MELK: variants seen among roughly 807,000 people sequenced by gnomAD.
The protein encoded by MELK is maternal embryonic leucine zipper kinase.
Under a neutral mutation model 85.0 loss-of-function variants are expected in MELK, and 81 were observed. That is an observed-to-expected ratio of 0.95 (90% confidence interval 0.80 to 1.15). The LOEUF (loss-of-function observed/expected upper bound fraction) is 1.15, where lower values mean the gene tolerates loss of function less well. Ranked by LOEUF, MELK falls within the 50% of genes most tolerant of loss-of-function variation. The probability of loss-of-function intolerance (pLI) is 0.00; values close to 1 mark genes in which losing one functional copy is unlikely to be tolerated. For synonymous variants in MELK, 252 were observed against 265.0 expected, an observed-to-expected ratio of 0.95 and a Z score of 0.48; for missense variants, 754 against 777.5, an observed-to-expected ratio of 0.97 and a Z score of 0.36.
intron 3 of MELK, among the ~76,000 whole-genome samples, chr9:36,588,948 G>A (rs949574966): frequency 3.3e-4 from 50 of 152,226 alleles, no homozygotes; most frequent in African/African-American, 1.2e-3. Context: ...ACTGAGTAGT[G>A]TTTCTGTCAT....
chr9:36,583,252 C>T (rs932145921), intron 2 of MELK, among the ~76,000 whole-genome samples: 1 of 152,064 alleles, frequency 6.6e-6, no homozygotes, highest in African/African-American at 2.4e-5. Flanking sequence ...GGATTACAGG[C>T]GTGAGCCACC....
intron 8 of MELK, among the ~76,000 whole-genome samples, chr9:36,609,586 C>A (rs1022906384): frequency 6.6e-6 from 1 of 151,618 alleles, no homozygotes; most frequent in African/African-American, 2.4e-5. Context: ...TAGCTGGGAC[C>A]ACAGGCACTG....
chr9:36,648,759 C>G (rs902689581), intron 11 of MELK, among the ~76,000 whole-genome samples: 3 of 152,094 alleles, frequency 2.0e-5, no homozygotes, highest in African/African-American at 7.2e-5. Context: ...AGTTCCTGTC[C>G]GTTCATCTTA....
chr9:36,640,227 G>T (rs1273261686), intron 10 of MELK, among the ~76,000 whole-genome samples: 1 of 152,110 alleles, frequency 6.6e-6, no homozygotes, highest in Non-Finnish European at 1.5e-5. Flanking sequence ...ATTTCTTGCA[G>T]TTCTGGAGGT....
intron 8 of MELK, among the ~76,000 whole-genome samples, chr9:36,615,203 C>A (rs1196783027): frequency 2.1e-5 from 3 of 142,022 alleles, no homozygotes; most frequent in Admixed American, 6.8e-5. Flanking sequence ...GGGGGCTGAC[C>A]CCCCCACCTC....
intron 6 of MELK, among the ~76,000 whole-genome samples, chr9:36,598,150 G>A (rs1197831423): frequency 6.6e-6 from 1 of 150,612 alleles, no homozygotes; most frequent in Non-Finnish European, 1.5e-5. Flanking sequence ...ACTATAAGTG[G>A]AACCTTTTTT....
intron 12 of MELK, among the ~76,000 whole-genome samples, chr9:36,652,608 T>C (rs1381129112): frequency 1.3e-5 from 2 of 151,468 alleles, no homozygotes; most frequent in Non-Finnish European, 2.9e-5. Flanking sequence ...TGAGTGCCTG[T>C]AGTCCCAGCT....
In MELK at chr9:36,591,042, C is replaced by T. The variant is rs187648363; in HGVS notation, c.261+1390C>T. On this transcript the variant is annotated intron_variant, in intron 4 of 17. Transcript: ENST00000298048. ...AGGAGTTTGAAGCTGCAGTGAGCCA[C>T]GTTAATGGCACTGTACTCCAGCCTG... Among the ~76,000 whole-genome samples the T allele has an allele frequency of 2.9e-3, 435 of 152,178 alleles. 1 individual carries two copies. The highest frequency in any genetic ancestry group is 8.5e-3 in the African/African-American group (353 of 41,532).
chr9:36,610,504 C>A (rs1483905636), intron 8 of MELK, among the ~76,000 whole-genome samples: 1 of 152,232 alleles, frequency 6.6e-6, no homozygotes, highest in African/African-American at 2.4e-5. Context: ...CCATGTGTGT[C>A]CAGGCTTCTC....
At position 36,607,586 on chromosome 9, in the gene MELK, G is replaced by C. The variant is rs374075415; in HGVS notation, c.579G>C (p.Trp193Cys). ...CCTCTTTCTCTCAGGCAGATGTTTG[G>C]AGCATGGGCATACTGTTATATGTTC... ...KSYLGSEADV[W>C]SMGILLYVLM... The change falls in exon 8 of 18, where the codon TGG becomes TGC. Residue 193 changes from tryptophan (W) to cysteine (C), a missense_variant. Trp to Cys is a radical substitution (Grantham distance 215). Transcript: ENST00000298048. 3.1e-6 allele frequency: 5 copies of C among 1,611,078 alleles called. No individual in the cohort carries two copies. The African/African-American group carries it at 5.3e-5, about 17-fold the overall frequency.
intron 13 of MELK, among the ~76,000 whole-genome samples, chr9:36,662,148 C>T (rs1831905853): frequency 6.6e-6 from 1 of 151,386 alleles, no homozygotes; most frequent in Non-Finnish European, 1.5e-5. Flanking sequence ...TAATTTCCCC[C>T]CACATTTTAT....
At chr9:36,636,084 G>A (rs2136667083) in intron 10 of MELK, among the ~76,000 whole-genome samples, 1 of 152,108 alleles carries the variant, frequency 6.6e-6, no homozygotes, top group East Asian at 1.9e-4. Context: ...ACTGTGCCTG[G>A]CCTTAAAAAT....
chr9:36,606,503 A>T (rs200989087), intron 7 of MELK, among the ~76,000 whole-genome samples: 46 of 135,438 alleles, frequency 3.4e-4, no homozygotes, highest in East Asian at 1.9e-3. Context: ...GTATATAATA[A>T]ATACATATGT....
intron 10 of MELK, among the ~76,000 whole-genome samples, chr9:36,641,156 A>T (rs1387635232): frequency 6.6e-6 from 1 of 152,050 alleles, no homozygotes; most frequent in Non-Finnish European, 1.5e-5. Flanking sequence ...CTTGCAGAGG[A>T]AAGGTTGCTT....
At position 36,594,731 on chromosome 9, in the gene MELK, A is replaced by G. The variant is rs1397250292; in HGVS notation, c.365A>G (p.Tyr122Cys). The G allele has an allele frequency of 1.9e-6, 3 of 1,613,944 alleles. No homozygotes were observed. Among genetic ancestry groups the G allele is most frequent in the Non-Finnish European group, 2.5e-6 (3 of 1,180,008 alleles). ...CGTCAGATAGTATCTGCTGTTGCTT[A>G]TGTGCACAGCCAGGGCTATGCTCAC... ...VFRQIVSAVA[Y>C]VHSQGYAHRD... Residue 122 changes from tyrosine (Y) to cysteine (C), a missense_variant, in exon 5 of 18, where the codon TAT becomes TGT. By Grantham distance (194) the Tyr-to-Cys change is radical. Transcript: ENST00000298048.
chr9:36,579,414 G>C lies in MELK; in HGVS notation c.-38-2230G>C, dbSNP rs186167933. Among the ~76,000 whole-genome samples, 115 of 152,296 alleles carry C rather than the reference G, an allele frequency of 7.6e-4. 1 individual carries two copies. The highest frequency in any genetic ancestry group is 2.2e-4 in the Non-Finnish European group (15 of 68,020). On this transcript the variant is annotated intron_variant, in intron 1 of 17. Coordinates refer to ENST00000298048, the MANE Select transcript of MELK (RefSeq NM_014791.4). ...CCTGACCTCGTGATCCGCCCACCCT[G>C]GCCTCCCAAAGTGCTGGGATTATAG...
At chr9:36,631,323 T>C (rs1828593412) in intron 9 of MELK, among the ~76,000 whole-genome samples, 1 of 151,942 alleles carries the variant, frequency 6.6e-6, no homozygotes, top group South Asian at 2.1e-4. Context: ...AACGGTGCGA[T>C]CTTGGCTCAC....
intron 11 of MELK, among the ~76,000 whole-genome samples, chr9:36,643,552 C>G (rs1829953939): frequency 6.6e-6 from 1 of 152,100 alleles, no homozygotes; most frequent in East Asian, 1.9e-4. Context: ...GATTTCCACA[C>G]AGTCCTGATG....
chr9:36,620,544 C>T (rs1194890461), intron 8 of MELK, among the ~76,000 whole-genome samples: 1 of 145,098 alleles, frequency 6.9e-6, no homozygotes, highest in Non-Finnish European at 1.5e-5. Flanking sequence ...CTAGCATTCT[C>T]TTCCTTTTTT....
Sources: allele counts gnomAD v4.1 joint callset (sites outside exome capture counted in the v4.1 genomes callset), GRCh38; gene constraint gnomAD v4.1.1; transcripts MANE v1.5; gene names NCBI Gene and HGNC (gene_info 2026-07-23, HGNC 2026-07-21).